Variants in FOCAD observed in about 807,000 individuals in gnomAD.
FOCAD encodes the protein focadhesin.
A neutral mutation model predicts 225.6 loss-of-function variants in FOCAD; 198 were observed. The ratio of observed to expected loss-of-function variants is 0.88; its 90% CI spans 0.78 to 0.99. FOCAD has a LOEUF of 0.99. Ranked by LOEUF, FOCAD falls within the 50% of genes least tolerant of loss-of-function variation. The pLI is 0.00. For missense variants in FOCAD, 2,713 were observed against 2,123.6 expected (o/e 1.28, Z -5.46); for synonymous variants, 897 against 755.0 (o/e 1.19, Z -3.08).
In FOCAD at chr9:20,919,041, AC is replaced by A. The variant is rs556298718; in HGVS notation, c.2852+2106del. On this transcript the variant is annotated intron_variant, in intron 24 of 43. Transcript: ENST00000338382. ...AGAAGTTAAATGCAAAAAGTGACAT[AC>A]CAATCATGGGATGATCCTGATTTGT... Among the ~76,000 whole-genome samples, 316 of 152,290 alleles carry A rather than the reference AC, an allele frequency of 2.1e-3. 1 individual carries two copies. Among genetic ancestry groups the A allele is most frequent in the African/African-American group, 7.2e-3 (301 of 41,558 alleles).
Position 20,948,311 on chromosome 9 carries a change from G to T in FOCAD, c.3716G>T (p.Gly1239Val), listed in dbSNP as rs753556258. Residue 1239 changes from glycine (G) to valine (V), a missense_variant, in exon 31 of 44, where the codon GGA becomes GTA. Coordinates refer to ENST00000338382, the MANE Select transcript of FOCAD (RefSeq NM_001375567.1). ...FALALGNIVH[G>V]LSVCGHGKAE... ...CTGGCTTTAGGAAACATAGTTCATG[G>T]ATTGTCTGTGTGTGGACATGGAAAA... 10 of 1,611,968 alleles carry T rather than the reference G, an allele frequency of 6.2e-6. No homozygotes were observed. The African/African-American group carries it at 1.2e-4, about 19-fold the overall frequency.
chr9:20,970,321 T>C (rs1295124099), intron 35 of FOCAD, among the ~76,000 whole-genome samples: 1 of 152,126 alleles, frequency 6.6e-6, no homozygotes, highest in Non-Finnish European at 1.5e-5. Context: ...CTTCTGAGAT[T>C]CCTGTTATGC....
intron 1 of FOCAD, among the ~76,000 whole-genome samples, chr9:20,713,373 A>T (rs1006313031): frequency 6.6e-6 from 1 of 152,094 alleles, no homozygotes; most frequent in African/African-American, 2.4e-5. Context: ...TTCCGCCTAG[A>T]TATCTGTTTG....
At chr9:20,835,480 A>G (rs923770859) in intron 15 of FOCAD, among the ~76,000 whole-genome samples, 3 of 152,208 alleles carry the variant, frequency 2.0e-5, no homozygotes, top group African/African-American at 4.8e-5. Context: ...ACTATCAGCC[A>G]TTGACTGATT....
intron 5 of FOCAD, among the ~76,000 whole-genome samples, chr9:20,744,738 C>G (rs540745673): frequency 4.6e-5 from 7 of 152,244 alleles, no homozygotes; most frequent in African/African-American, 1.7e-4. Context: ...CCAATTGTTG[C>G]CATGAAACAA....
chr9:20,698,044 G>A (rs1823521423), intron 1 of FOCAD, among the ~76,000 whole-genome samples: 1 of 152,216 alleles, frequency 6.6e-6, no homozygotes, highest in Non-Finnish European at 1.5e-5. Context: ...GGCGTGTGCT[G>A]TGGTGAAACC....
Position 20,912,800 on chromosome 9 carries a change from CA to C in FOCAD, c.2719-63del. 3 of 1,354,648 alleles carry C rather than the reference CA, an allele frequency of 2.2e-6. No homozygotes were observed. The South Asian group carries it at 3.5e-5, about 16-fold the overall frequency. 83.9% of individuals were successfully genotyped at this position (1,354,648 alleles called of 1,614,324 possible). A position where few individuals can be genotyped will look rare whatever the true frequency, so the allele number is the denominator to read the frequency against. On this transcript the variant is annotated intron_variant, in intron 22 of 43. Coordinates refer to ENST00000338382, the MANE Select transcript of FOCAD (RefSeq NM_001375567.1). The stretch of plus-strand genomic sequence containing the variant: ...TGGAAAAGGATATATCTGTGTTTTC[CA>C]AAGAAATTTTAAGATCACTTCAGCC...
intron 15 of FOCAD, among the ~76,000 whole-genome samples, chr9:20,857,477 C>A (rs1828302954): frequency 6.6e-6 from 1 of 151,554 alleles, no homozygotes; most frequent in Non-Finnish European, 1.5e-5. Context: ...TTTAATGGTC[C>A]TAATTTTGTT....
intron 5 of FOCAD, among the ~76,000 whole-genome samples, chr9:20,753,493 C>T (rs1042755993): frequency 1.3e-5 from 2 of 152,022 alleles, no homozygotes; most frequent in African/African-American, 4.8e-5. Flanking sequence ...ACCAGCCTTT[C>T]ATCCCAGGGA....
At chr9:20,831,271 A>G (rs1269406899) in intron 15 of FOCAD, among the ~76,000 whole-genome samples, 1 of 152,078 alleles carries the variant, frequency 6.6e-6, no homozygotes, top group African/African-American at 2.4e-5. Context: ...TCATTTATTC[A>G]TTCTCCGGTA....
At chr9:20,718,401 TTGATCAG>T (rs1825508746) in intron 3 of FOCAD, among the ~76,000 whole-genome samples, 1 of 152,136 alleles carries the variant, frequency 6.6e-6, no homozygotes, top group Non-Finnish European at 1.5e-5. Context: ...TGGGGTTTGG[TTGATCAG>T]TGTTGTGTGT....
chr9:20,764,580 A>G (rs556330486), intron 6 of FOCAD, among the ~76,000 whole-genome samples: 1 of 152,294 alleles, frequency 6.6e-6, no homozygotes, highest in East Asian at 1.9e-4. Context: ...TTCACTAAAC[A>G]CTGATTTCAG....
intron 4 of FOCAD, among the ~76,000 whole-genome samples, chr9:20,732,445 G>A (rs1826793158): frequency 6.6e-6 from 1 of 152,184 alleles, no homozygotes. Context: ...GAGATTGGCT[G>A]TTAAGATGGC....
chr9:20,683,884 G>C (rs1388814203), upstream of FOCAD: 1 of 152,182 alleles, frequency 6.6e-6, no homozygotes, highest in Admixed American at 6.5e-5. Context: ...CCAAGAAGCT[G>C]TTCTGTATTG....
At chr9:20,759,170 A>G (rs1829335710) in intron 6 of FOCAD, among the ~76,000 whole-genome samples, 1 of 152,228 alleles carries the variant, frequency 6.6e-6, no homozygotes, top group African/African-American at 2.4e-5. Context: ...AAGAATCAAT[A>G]TCATGAAAAT....
intron 11 of FOCAD, among the ~76,000 whole-genome samples, chr9:20,791,110 T>C (rs901643258): frequency 4.6e-5 from 7 of 152,134 alleles, no homozygotes; most frequent in African/African-American, 1.7e-4. Flanking sequence ...ATGCAGATAA[T>C]GCCTGGAGAT....
chr9:20,981,577 T>C lies in FOCAD; in HGVS notation c.4529T>C (p.Leu1510Ser), dbSNP rs752202420. 6.2e-7 allele frequency: 1 copy of C among 1,614,104 alleles called. No homozygotes were observed. Among genetic ancestry groups the C allele is most frequent in the Admixed American group, 1.7e-5 (1 of 60,030 alleles). ...LGSPELCPSALHGLSQAMKLP... is the reference protein window; with the variant it reads ...LGSPELCPSASHGLSQAMKLP... ...AGTCCTGAGCTATGCCCAAGTGCTT[T>C]ACACGGTCTGAGCCAGGCCATGAAA... The change falls in exon 38 of 44, where the codon TTA (leucine) becomes TCA (serine). Residue 1510 changes from leucine to serine, a missense_variant. Coordinates refer to ENST00000338382, the MANE Select transcript of FOCAD (RefSeq NM_001375567.1).
At chr9:20,753,119 ACTTCCTCTTTTC>A (rs1828719826) in intron 5 of FOCAD, among the ~76,000 whole-genome samples, 1 of 152,132 alleles carries the variant, frequency 6.6e-6, no homozygotes, top group Admixed American at 6.6e-5. Flanking sequence ...GGACAATTTG[ACTTCCTCTTTTC>A]CTAACTGAAT....
At position 20,701,940 on chromosome 9, in the gene FOCAD, C is replaced by T. The variant is rs73647614; in HGVS notation, c.-32-13382C>T. Reference sequence around the variant, plus strand: ...ATTCATTTAAAGATTTATTTGATTTCCTGAGATGCAGCAAAATATAATGGA... The same window carrying T: ...ATTCATTTAAAGATTTATTTGATTTTCTGAGATGCAGCAAAATATAATGGA... On this transcript the variant is annotated intron_variant, in intron 1 of 43. Transcript: ENST00000338382. Among the ~76,000 whole-genome samples the T allele has an allele frequency of 5.7e-3, 861 of 152,160 alleles. 11 individuals carry two copies. Among genetic ancestry groups the T allele is most frequent in the African/African-American group, 0.019 (794 of 41,508 alleles).
Sources: allele counts gnomAD v4.1 joint callset (sites outside exome capture counted in the v4.1 genomes callset), GRCh38; gene constraint gnomAD v4.1.1; transcripts MANE v1.5; gene names NCBI Gene and HGNC (gene_info 2026-07-23, HGNC 2026-07-21).